The following PTPN20 variants were observed in gnomAD, a reference collection of about 807,000 sequenced individuals.
PTPN20 encodes the protein tyrosine-protein phosphatase non-receptor type 20.
Under a neutral mutation model 35.0 loss-of-function variants are expected in PTPN20, and 9 were observed. The ratio of observed to expected loss-of-function variants is 0.26; its 90% confidence interval spans 0.15 to 0.45. The LOEUF is 0.45. PTPN20 is among the 20% of genes least tolerant of loss of function. The pLI is 1.00. For synonymous variants in PTPN20, 32 were observed against 100.2 expected (o/e 0.32, Z 4.06); for missense variants, 111 against 312.5 (o/e 0.36, Z 4.86).
intron 9 of PTPN20, among the ~76,000 whole-genome samples, chr10:46,998,120 T>C (rs1355581363): frequency 1.3e-5 from 2 of 152,180 alleles, no homozygotes; most frequent in East Asian, 3.9e-4. Context: ...ATAGCACTCT[T>C]GGGGCATTTA....
chr10:46,949,752 GC>G (rs1301851447), intron 5 of PTPN20, among the ~76,000 whole-genome samples: 1 of 110,278 alleles, frequency 9.1e-6, no homozygotes, highest in Non-Finnish European at 1.8e-5. Context: ...GATAGACACT[GC>G]TTTTTTCTTT....
intron 5 of PTPN20, among the ~76,000 whole-genome samples, chr10:46,953,772 G>T (rs1397228501): frequency 6.8e-6 from 1 of 147,674 alleles, no homozygotes; most frequent in African/African-American, 2.6e-5. Flanking sequence ...ACTTTGTGAT[G>T]GTGTAATATT....
chr10:46,975,953 A>G (rs1455445966), intron 7 of PTPN20, among the ~76,000 whole-genome samples: 2 of 151,550 alleles, frequency 1.3e-5, no homozygotes, highest in Non-Finnish European at 2.9e-5. Context: ...GAGCCACCGC[A>G]CAGAGCTGTT....
At position 47,001,823 on chromosome 10, in the gene PTPN20, C is replaced by T. The variant is rs1681132098; in HGVS notation, c.*1082C>T. 6.6e-6 allele frequency: 1 copy of T among 152,026 alleles called. No individual in the cohort carries two copies. Among genetic ancestry groups the T allele is most frequent in the Non-Finnish European group, 1.5e-5 (1 of 67,992 alleles). 9.4% of individuals were successfully genotyped at this position (152,026 alleles called of 1,614,324 possible). A position where few individuals can be genotyped will look rare whatever the true frequency, so the allele number is the denominator to read the frequency against. ...TTTTGAAAAGATGTGGCCATTATTA[C>T]AGTAATTTTATTATAGGACTTTGCC... On this transcript the variant is annotated 3_prime_UTR_variant, in exon 11 of 11. Transcript: ENST00000374339.
chr10:46,927,977 A>G (rs1555115244), intron 1 of PTPN20, among the ~76,000 whole-genome samples: 1 of 151,606 alleles, frequency 6.6e-6, no homozygotes, highest in Non-Finnish European at 1.5e-5. Context: ...TGAATGAAAC[A>G]AACAGTAGAA....
chr10:46,947,847 A>C (rs534274529), intron 5 of PTPN20: 1 of 428,162 alleles, frequency 2.3e-6, no homozygotes, highest in Non-Finnish European at 4.6e-6. Context: ...ATAGTATTCC[A>C]TTCACCAGTT....
At chr10:46,991,991 T>G (rs1238661928) in intron 9 of PTPN20, among the ~76,000 whole-genome samples, 1 of 152,192 alleles carries the variant, frequency 6.6e-6, no homozygotes, top group Non-Finnish European at 1.5e-5. Context: ...TTGGGAAAAG[T>G]TTTGCGCACT....
intron 9 of PTPN20, among the ~76,000 whole-genome samples, chr10:46,993,525 G>T (rs917336681): frequency 6.6e-6 from 1 of 152,194 alleles, no homozygotes; most frequent in Non-Finnish European, 1.5e-5. Context: ...ATAGCCTAGG[G>T]TTTTCTGCCC....
chr10:46,938,857 C>G (rs2042555935), intron 2 of PTPN20, among the ~76,000 whole-genome samples: 4 of 112,548 alleles, frequency 3.6e-5, no homozygotes, highest in Non-Finnish European at 6.9e-5. Context: ...GTCCTATTTT[C>G]TGGTTGGTTG....
intron 7 of PTPN20, among the ~76,000 whole-genome samples, chr10:46,978,973 T>C (rs2136314647): frequency 6.6e-6 from 1 of 151,662 alleles, no homozygotes; most frequent in African/African-American, 2.4e-5. Context: ...GTGAGCAAAA[T>C]TCTAACCTGA....
At chr10:46,998,000 A>G (rs2059443730) in intron 9 of PTPN20, among the ~76,000 whole-genome samples, 1 of 152,210 alleles carries the variant, frequency 6.6e-6, no homozygotes, top group East Asian at 1.9e-4. Flanking sequence ...ACCCATATGT[A>G]TGAGACATTG....
Position 47,001,004 on chromosome 10 carries a change from G to T in PTPN20, c.*263G>T. 1.9e-6 allele frequency: 1 copy of T among 532,038 alleles called. No homozygotes were observed. The highest frequency in any genetic ancestry group is 2.2e-5 in the South Asian group (1 of 45,360). 33.0% of individuals were successfully genotyped at this position (532,038 alleles called of 1,614,324 possible). A position where few individuals can be genotyped will look rare whatever the true frequency, so the allele number is the denominator to read the frequency against. On this transcript the variant is annotated 3_prime_UTR_variant, in exon 11 of 11. Coordinates refer to ENST00000374339, the MANE Select transcript of PTPN20 (RefSeq NM_001042357.5). ...GAAACAGATGTTACATAAAACGATT[G>T]CAGCTTGGCTATTTGGTTGAAGGGA...
intron 5 of PTPN20, among the ~76,000 whole-genome samples, chr10:46,947,276 C>G: frequency 6.8e-6 from 1 of 146,718 alleles, no homozygotes; most frequent in Non-Finnish European, 1.5e-5. Context: ...ATCACATGCA[C>G]ACCTCAAAAA....
intron 5 of PTPN20, among the ~76,000 whole-genome samples, chr10:46,951,489 T>G (rs1413142566): frequency 6.6e-6 from 1 of 152,236 alleles, no homozygotes; most frequent in Non-Finnish European, 1.5e-5. Flanking sequence ...TTCATGAACA[T>G]TCTTAATTTC....
At chr10:46,920,391 ATGGACAGAAATGTGTTCT>A (rs1555106849) in intron 1 of PTPN20, among the ~76,000 whole-genome samples, 5 of 135,070 alleles carry the variant, frequency 3.7e-5, no homozygotes. Flanking sequence ...GGGGAAACTT[ATGGACAGAAATGTGTTCT>A]TGGGCAGAAA....
At chr10:46,945,637 A>C (rs2134168976) in intron 4 of PTPN20, among the ~76,000 whole-genome samples, 1 of 152,306 alleles carries the variant, frequency 6.6e-6, no homozygotes, top group South Asian at 2.1e-4. Context: ...AATTTTCTCT[A>C]AACATTGAAG....
At position 46,953,901 on chromosome 10, in the gene PTPN20, A is replaced by G. The variant is rs1223056308; in HGVS notation, c.340+7226A>G. On this transcript the variant is annotated intron_variant, in intron 5 of 10. Coordinates refer to ENST00000374339, the MANE Select transcript of PTPN20 (RefSeq NM_001042357.5). ...TTTTGTGATATCTTTTTCCGGTTTT[A>G]GTATCAGAGCAATGCTTCCCTTATA... 1.5e-3 allele frequency among the ~76,000 whole-genome samples: 196 copies of G among 133,526 alleles called. 2 individuals carry two copies. Among genetic ancestry groups the G allele is most frequent in the African/African-American group, 6.3e-3 (192 of 30,578 alleles). The allele number at this position is 133,526 out of a possible 152,430, so 87.6% of individuals were successfully genotyped here. A position where few individuals can be genotyped will look rare whatever the true frequency, so the allele number is the denominator to read the frequency against.
chr10:46,960,666 C>G (rs1363677392), intron 5 of PTPN20, among the ~76,000 whole-genome samples: 64 of 152,068 alleles, frequency 4.2e-4, no homozygotes, highest in Middle Eastern at 3.4e-3. Flanking sequence ...ATTGCTTTGT[C>G]TCTTGGCAAC....
At chr10:47,003,516 A>G (rs1230514107), downstream of PTPN20, among the ~76,000 whole-genome samples, 1 of 152,012 alleles carries the variant, frequency 6.6e-6, no homozygotes, top group Non-Finnish European at 1.5e-5. Context: ...GTTAAGATAC[A>G]AGATAACTAT....
Sources: gnomAD v4.1 joint callset for allele counts (sites outside exome capture counted in the v4.1 genomes callset) on GRCh38, gnomAD v4.1.1 for gene constraint, MANE v1.5 for transcripts, NCBI Gene and HGNC (gene_info 2026-07-23, HGNC 2026-07-21) for gene names.